Variants in ADCY8 observed in about 807,000 individuals in gnomAD.
ADCY8 encodes the protein adenylate cyclase 8.
ADCY8 carries 51 observed loss-of-function variants against 119.7 expected under a neutral mutation model. The observed-to-expected ratio is 0.43, with a 90% CI of 0.34 to 0.54. ADCY8 has a LOEUF of 0.54. Among genes scored for constraint, ADCY8 ranks in the 20% least tolerant of loss-of-function variants. The pLI, the probability that ADCY8 is intolerant of heterozygous loss-of-function variation, is 0.03. For synonymous variants in ADCY8, 665 were observed against 651.0 expected (o/e 1.02, Z -0.33); for missense variants, 1,383 against 1,598.8 (o/e 0.87, Z 2.30).
At chr8:130,934,431 C>G (rs1055710408) in intron 5 of ADCY8, among the ~76,000 whole-genome samples, 4 of 152,116 alleles carry the variant, frequency 2.6e-5, no homozygotes, top group Non-Finnish European at 4.4e-5. Flanking sequence ...AGAACTCACT[C>G]ACTATCATGA....
At chr8:130,845,877 A>G (rs774943849) in intron 11 of ADCY8, among the ~76,000 whole-genome samples, 1 of 152,140 alleles carries the variant, frequency 6.6e-6, no homozygotes, top group Non-Finnish European at 1.5e-5. Flanking sequence ...GAAGGGAGGG[A>G]AAGAAGTGAG....
chr8:130,798,331 G>A lies in ADCY8; in HGVS notation c.3060+2095C>T, dbSNP rs574287931. On this transcript the variant is annotated intron_variant, in intron 15 of 17. Coordinates refer to ENST00000286355, the MANE Select transcript of ADCY8 (RefSeq NM_001115.3). ...GGGGGTTAGAAAAAAGCCTTCAACC[G>A]TAGAAGTAGCGTTGAATTGACTGTT... 1.1e-4 allele frequency among the ~76,000 whole-genome samples: 16 copies of A among 152,282 alleles called. No individual in the cohort carries two copies. The East Asian group carries it at 1.5e-3, about 15-fold the overall frequency.
chr8:130,931,325 T>A (rs1190078222), intron 5 of ADCY8, among the ~76,000 whole-genome samples: 1 of 152,240 alleles, frequency 6.6e-6, no homozygotes, highest in African/African-American at 2.4e-5. Context: ...TTGGGACTCC[T>A]ATATATGGTA....
intron 2 of ADCY8, among the ~76,000 whole-genome samples, chr8:130,954,547 C>T (rs540172250): frequency 6.6e-6 from 1 of 152,306 alleles, no homozygotes; most frequent in South Asian, 2.1e-4. Context: ...TTTTTAAAAA[C>T]TCCTTAGGTT....
intron 7 of ADCY8, among the ~76,000 whole-genome samples, chr8:130,887,617 G>A (rs1241671889): frequency 6.6e-6 from 1 of 152,106 alleles, no homozygotes; most frequent in African/African-American, 2.4e-5. Flanking sequence ...CTCCTTAGGA[G>A]TATATGTGCT....
chr8:130,835,050 T>C (rs1020089849), intron 12 of ADCY8, among the ~76,000 whole-genome samples: 3 of 152,166 alleles, frequency 2.0e-5, no homozygotes, highest in Non-Finnish European at 4.4e-5. Context: ...TGGACATTCA[T>C]ATTATTAGTT....
intron 7 of ADCY8, among the ~76,000 whole-genome samples, chr8:130,886,041 G>A (rs891462566): frequency 2.6e-5 from 4 of 152,000 alleles, no homozygotes; most frequent in Admixed American, 2.6e-4. Flanking sequence ...GGAGTCAGGA[G>A]CTTTGACCTC....
chr8:131,005,048 C>A (rs1297291853), intron 1 of ADCY8, among the ~76,000 whole-genome samples: 1 of 152,208 alleles, frequency 6.6e-6, no homozygotes, highest in Non-Finnish European at 1.5e-5. Context: ...GGATACAGAA[C>A]AAGTCTCTGT....
Position 130,943,988 on chromosome 8 carries a change from G to A in ADCY8, c.1242-526C>T, listed in dbSNP as rs368608301. Among the ~76,000 whole-genome samples the A allele has an allele frequency of 7.2e-5, 11 of 152,226 alleles. No individual in the cohort carries two copies. In the South Asian group the frequency reaches 2.3e-3, roughly 32 times the overall value. The stretch of plus-strand genomic sequence containing the variant: ...TAGGTGGCAAATCTGGGAGACCTCA[G>A]GCAGAATAATTAATTTCCCAATACT... On this transcript the variant is annotated intron_variant, in intron 3 of 17. Coordinates refer to ENST00000286355, the MANE Select transcript of ADCY8 (RefSeq NM_001115.3).
At chr8:130,912,484 C>T (rs969107213) in intron 5 of ADCY8, among the ~76,000 whole-genome samples, 7 of 152,136 alleles carry the variant, frequency 4.6e-5, no homozygotes, top group African/African-American at 1.7e-4. Flanking sequence ...CTGGAGCATC[C>T]TGCTTTCCAT....
intron 12 of ADCY8, among the ~76,000 whole-genome samples, chr8:130,836,054 A>G (rs1228723296): frequency 6.6e-6 from 1 of 152,228 alleles, no homozygotes; most frequent in Non-Finnish European, 1.5e-5. Context: ...GCTACTATTC[A>G]GTCCAAACTT....
In ADCY8 at chr8:130,951,920, G is replaced by A. The variant is rs1003018405; in HGVS notation, c.1189C>T (p.His397Tyr). 1.3e-5 allele frequency: 21 copies of A among 1,613,920 alleles called. No homozygotes were observed. In the Admixed American group the frequency reaches 2.3e-4, roughly 18 times the overall value. Residue 397 changes from histidine to tyrosine, a missense_variant, in exon 3 of 18, where the codon CAC becomes TAC. Physicochemically the swap from His to Tyr is moderately conservative, Grantham distance 83. Coordinates refer to ENST00000286355, the MANE Select transcript of ADCY8 (RefSeq NM_001115.3). ...ATCCGATGGAACTGGTGCTGCAGGT[G>A]CTCATCTTCCACATTGGTCATGTCG... The part of the protein sequence containing the change: ...INDMTNVEDE[H>Y]LQHQFHRIYI...
chr8:130,894,113 A>T (rs1400977445), intron 7 of ADCY8, among the ~76,000 whole-genome samples: 4 of 152,150 alleles, frequency 2.6e-5, no homozygotes, highest in Non-Finnish European at 5.9e-5. Context: ...TACTAATCAC[A>T]TGTAGTTATT....
At chr8:130,845,168 A>C (rs1016477774) in intron 11 of ADCY8, among the ~76,000 whole-genome samples, 1 of 152,172 alleles carries the variant, frequency 6.6e-6, no homozygotes, top group African/African-American at 2.4e-5. Flanking sequence ...CTGTGTGATC[A>C]AAAATCTTAC....
chr8:130,876,874 T>G (rs1298430725), intron 8 of ADCY8, among the ~76,000 whole-genome samples: 1 of 152,126 alleles, frequency 6.6e-6, no homozygotes, highest in Non-Finnish European at 1.5e-5. Flanking sequence ...GAAAATCAGG[T>G]GCTTAGGAGA....
chr8:130,785,548 C>G (rs1285639574), intron 15 of ADCY8, 73 bp from the exon 16 acceptor site: 4 of 1,111,722 alleles, frequency 3.6e-6, no homozygotes, highest in Non-Finnish European at 3.9e-6. Flanking sequence ...TGAAAACAGG[C>G]CCCTGGCTCA....
intron 9 of ADCY8, among the ~76,000 whole-genome samples, chr8:130,856,312 C>A (rs963020989): frequency 7.9e-5 from 12 of 152,176 alleles, no homozygotes; most frequent in Admixed American, 5.2e-4. Context: ...ATGGCAGAGA[C>A]CCTGACTGTA....
intron 13 of ADCY8, among the ~76,000 whole-genome samples, chr8:130,821,038 T>C (rs1467502621): frequency 1.3e-5 from 2 of 152,202 alleles, no homozygotes; most frequent in Admixed American, 1.3e-4. Context: ...GTAGTAGTAA[T>C]AATTTCATCC....
rs904277219 is a variant in ADCY8 at position 130,998,786 on chromosome 8, A to G, written c.961-8244T>C. Among the ~76,000 whole-genome samples the G allele has an allele frequency of 2.6e-5, 4 of 152,186 alleles. No homozygotes were observed. The East Asian group carries it at 5.8e-4, about 22-fold the overall frequency. On this transcript the variant is annotated intron_variant, in intron 1 of 17. Coordinates refer to ENST00000286355, the MANE Select transcript of ADCY8 (RefSeq NM_001115.3). ...TGAATGTATTCCAAGGGAAGAGACA[A>G]CAGGATTTGCTGGTGGATTTTTTGT...
Sources: gnomAD v4.1 joint callset for allele counts (sites outside exome capture counted in the v4.1 genomes callset) on GRCh38, gnomAD v4.1.1 for gene constraint, MANE v1.5 for transcripts, NCBI Gene and HGNC (gene_info 2026-07-23, HGNC 2026-07-21) for gene names.